The following GTF3C2 variants were observed in gnomAD, a reference collection of about 807,000 sequenced individuals.
GTF3C2 encodes general transcription factor 3C polypeptide 2.
In GTF3C2, 17 loss-of-function variants were observed where a neutral mutation model predicts 117.4. That is an observed-to-expected ratio of 0.14 (90% CI 0.10 to 0.22). GTF3C2 has a LOEUF of 0.22. Among genes scored for constraint, GTF3C2 ranks in the 10% least tolerant of loss-of-function variants. GTF3C2 has a pLI of 1.00. For synonymous variants in GTF3C2, 437 were observed against 427.0 expected (o/e 1.02, Z -0.29); for missense variants, 888 against 1,143.6 (o/e 0.78, Z 3.22).
At chr2:27,348,537 C>A (rs1016493865) in intron 1 of GTF3C2, among the ~76,000 whole-genome samples, 30 of 152,194 alleles carry the variant, frequency 2.0e-4, no homozygotes, top group African/African-American at 6.0e-4. Context: ...CAGGTACAGG[C>A]TCATGCCTGT....
At position 27,328,826 on chromosome 2, in the gene GTF3C2, A is replaced by T; in HGVS notation, c.2127+18T>A. 2 of 1,589,976 alleles carry T rather than the reference A, an allele frequency of 1.3e-6. No individual in the cohort carries two copies. The highest frequency in any genetic ancestry group is 1.7e-6 in the Non-Finnish European group (2 of 1,158,478). On this transcript the variant is annotated intron_variant, in intron 15 of 18. Transcript: ENST00000264720. ...ATTTTCCTTTGTAATGAAGACTGCA[A>T]AAGAAAGGGGGGCTCACCCAAACGG...
chr2:27,339,472 A>G (rs1680637784), intron 4 of GTF3C2: 1 of 151,532 alleles, frequency 6.6e-6, no homozygotes, highest in South Asian at 2.1e-4. Context: ...TAAAATTTTG[A>G]TATTTTGTTC....
intron 10 of GTF3C2, 102 bp from the exon 11 acceptor site, chr2:27,334,101 C>A (rs1680369527): frequency 1.2e-6 from 1 of 816,272 alleles, no homozygotes; most frequent in Non-Finnish European, 2.1e-6. Context: ...TCATGGCTCA[C>A]TGCAGCCTCC....
intron 12 of GTF3C2, among the ~76,000 whole-genome samples, chr2:27,332,017 A>G (rs781236463): frequency 4.6e-5 from 7 of 152,310 alleles, no homozygotes; most frequent in Non-Finnish European, 8.8e-5. Context: ...TTTAATTCTA[A>G]AAGTATCTTG....
intron 15 of GTF3C2, 84 bp downstream of exon 15, chr2:27,328,760 A>T: frequency 8.8e-7 from 1 of 1,142,304 alleles, no homozygotes; most frequent in South Asian, 1.3e-5. Context: ...CCTTCTACCC[A>T]AAACTACTGC....
intron 1 of GTF3C2, chr2:27,356,417 A>G (rs1681385417): frequency 3.8e-6 from 1 of 264,536 alleles, no homozygotes; most frequent in African/African-American, 2.2e-5. Flanking sequence ...TCTAACAAGG[A>G]CTACTGTAGG....
intron 1 of GTF3C2, chr2:27,356,132 A>C (rs1275494714): frequency 7.8e-7 from 1 of 1,286,368 alleles, no homozygotes; most frequent in East Asian, 5.6e-5. Flanking sequence ...ACGGAGTTGA[A>C]GTCGCCACCT....
chr2:27,332,232 T>TC (rs1455960762), intron 12 of GTF3C2, among the ~76,000 whole-genome samples: 1 of 152,080 alleles, frequency 6.6e-6, no homozygotes, highest in Non-Finnish European at 1.5e-5. Flanking sequence ...TGGCCCAGTC[T>TC]CCAACTCCTG....
At chr2:27,347,423 G>C (rs552948927) in intron 1 of GTF3C2, among the ~76,000 whole-genome samples, 3 of 152,194 alleles carry the variant, frequency 2.0e-5, no homozygotes, top group Admixed American at 6.5e-5. Context: ...GAGGATACAA[G>C]AAAACACATG....
chr2:27,354,690 G>A (rs1450268006), intron 1 of GTF3C2, among the ~76,000 whole-genome samples: 1 of 152,150 alleles, frequency 6.6e-6, no homozygotes, highest in Non-Finnish European at 1.5e-5. Context: ...AAGAGGCAGA[G>A]GGAGAGGTTG....
rs531559663 is a variant in GTF3C2, at chr2:27,353,585, T to A, written c.-25+3154A>T. On this transcript the variant is annotated intron_variant, in intron 1 of 18. Coordinates refer to ENST00000264720, the Ensembl canonical transcript of GTF3C2. ...TCCTGAGTAGCTGGGATTACAGGCA[T>A]GTGCCACCATGCCCAGCTAAGTTTT... Among the ~76,000 whole-genome samples, 14 of 152,156 alleles carry A rather than the reference T, an allele frequency of 9.2e-5. No homozygotes were observed. The South Asian group carries it at 2.9e-3, about 32-fold the overall frequency.
At chr2:27,335,978 C>T (rs1283594488) in exon 9 of GTF3C2, 2 of 1,613,942 alleles carry the variant, frequency 1.2e-6, no homozygotes. Flanking sequence ...GTCCCAGATG[C>T]AGCCGTTGTC....
intron 1 of GTF3C2, among the ~76,000 whole-genome samples, chr2:27,347,017 G>C (rs566210811): frequency 6.6e-6 from 1 of 152,230 alleles, no homozygotes; most frequent in South Asian, 2.1e-4. Context: ...CCACATTGAA[G>C]AATTGACTAA....
At position 27,328,796 on chromosome 2, in the gene GTF3C2, GA is replaced by G. The variant is rs1232255832; in HGVS notation, c.2127+47del. Reference sequence around the variant, plus strand: ...CTCTGACTACTAATAGTGCATAAATGAGCCATTTTCCTTTGTAATGAAGACT... The same window carrying G: ...CTCTGACTACTAATAGTGCATAAATGGCCATTTTCCTTTGTAATGAAGACT... On this transcript the variant is annotated intron_variant, in intron 15 of 18. Coordinates refer to ENST00000264720, the Ensembl canonical transcript of GTF3C2. The G allele has an allele frequency of 2.2e-6, 3 of 1,364,358 alleles. No homozygotes were observed. The African/African-American group carries it at 4.3e-5, about 20-fold the overall frequency. 84.5% of individuals were successfully genotyped at this position (1,364,358 alleles called of 1,614,324 possible).
At chr2:27,346,758 G>A (rs1208391232) in intron 1 of GTF3C2, among the ~76,000 whole-genome samples, 1 of 150,272 alleles carries the variant, frequency 6.7e-6, no homozygotes, top group Non-Finnish European at 1.5e-5. Context: ...GTGGTGGTGT[G>A]ATCACAGCTC....
chr2:27,332,409 TTTA>T (rs1264559099), intron 12 of GTF3C2, among the ~76,000 whole-genome samples: 2 of 151,804 alleles, frequency 1.3e-5, no homozygotes, highest in Non-Finnish European at 2.9e-5. Context: ...TTTTAAAAAT[TTTA>T]TTATTTTTAG....
chr2:27,339,580 T>A (rs1036222753), intron 4 of GTF3C2: 1 of 152,098 alleles, frequency 6.6e-6, no homozygotes, highest in Admixed American at 6.6e-5. Flanking sequence ...CTGTTATCCC[T>A]TAGATGTTGC....
chr2:27,328,212 A>C, intron 16 of GTF3C2, 23 bp from the exon 17 acceptor site: 1 of 1,534,054 alleles, frequency 6.5e-7, no homozygotes, highest in Non-Finnish European at 8.8e-7. Context: ...CCATGAAATT[A>C]GGTTCTATAA....
At chr2:27,328,701 TA>T in intron 15 of GTF3C2, 105 bp from the exon 16 acceptor site, 1 of 1,138,208 alleles carries the variant, frequency 8.8e-7, no homozygotes, top group Non-Finnish European at 1.3e-6. Flanking sequence ...AAAATGAGTT[TA>T]CCATAACCGA....
Sources: gnomAD v4.1 joint callset for allele counts (sites outside exome capture counted in the v4.1 genomes callset) on GRCh38, gnomAD v4.1.1 for gene constraint, MANE v1.5 for transcripts, NCBI Gene and HGNC (gene_info 2026-07-23, HGNC 2026-07-21) for gene names.